Variants in ADH6 observed in about 807,000 individuals in gnomAD.
The protein encoded by ADH6 is alcohol dehydrogenase 6 (class V), also known as alcohol dehydrogenase 6.
Under a neutral mutation model 36.5 loss-of-function variants are expected in ADH6, and 34 were observed. The observed-to-expected ratio is 0.93, with a 90% CI of 0.71 to 1.24. ADH6 has a LOEUF of 1.24. ADH6 is among the 50% of genes most tolerant of loss of function. ADH6 has a pLI of 0.00. For missense variants in ADH6, 440 were observed against 447.0 expected (o/e 0.98, Z 0.14); for synonymous variants, 161 against 155.5 (o/e 1.04, Z -0.26).
chr4:99,212,122 A>G (rs2110551067), intron 3 of ADH6, among the ~76,000 whole-genome samples: 1 of 152,302 alleles, frequency 6.6e-6, no homozygotes, highest in South Asian at 2.1e-4. Flanking sequence ...AAATGAGTAC[A>G]TGAACATATA....
At chr4:99,209,018 G>T in intron 5 of ADH6, 90 bp from the exon 6 acceptor site, 1 of 1,354,884 alleles carries the variant, frequency 7.4e-7, no homozygotes, top group Non-Finnish European at 1.0e-6. Flanking sequence ...CTATATGCAT[G>T]TATTTTTTAA....
chr4:99,205,948 T>C (rs1293499843), intron 7 of ADH6, among the ~76,000 whole-genome samples: 1 of 152,166 alleles, frequency 6.6e-6, no homozygotes, highest in Non-Finnish European at 1.5e-5. Context: ...GATTTATTTT[T>C]AATTTAAGTT....
chr4:99,214,061 A>G (rs765949775), intron 2 of ADH6, among the ~76,000 whole-genome samples: 1 of 152,132 alleles, frequency 6.6e-6, no homozygotes, highest in Non-Finnish European at 1.5e-5. Flanking sequence ...TTGATCTTGT[A>G]GATGGAAGTG....
chr4:99,209,675 T>G (rs1731156750), intron 5 of ADH6, among the ~76,000 whole-genome samples: 1 of 152,174 alleles, frequency 6.6e-6, no homozygotes, highest in South Asian at 2.1e-4. Flanking sequence ...TAATATATCA[T>G]GCAATATAAT....
At chr4:99,213,008 C>A (rs1487612535) in intron 3 of ADH6, among the ~76,000 whole-genome samples, 4 of 151,692 alleles carry the variant, frequency 2.6e-5, no homozygotes, top group African/African-American at 9.7e-5. Context: ...ACAGTGTTCT[C>A]CCATGTTATT....
chr4:99,211,729 T>C (rs1170348045), intron 3 of ADH6, among the ~76,000 whole-genome samples: 3 of 152,100 alleles, frequency 2.0e-5, no homozygotes, highest in Non-Finnish European at 4.4e-5. Context: ...GAAGAGCAGA[T>C]GAAGGCAGAA....
intron 8 of ADH6, 31 bp downstream of exon 8, chr4:99,204,894 C>G (rs371433558): frequency 5.5e-5 from 87 of 1,587,752 alleles, no homozygotes; most frequent in Admixed American, 4.0e-4. Flanking sequence ...GTCTCAAACA[C>G]ACAGACATAA....
At chr4:99,217,061 A>G (rs987748183) in intron 1 of ADH6, among the ~76,000 whole-genome samples, 2 of 152,010 alleles carry the variant, frequency 1.3e-5, no homozygotes, top group African/African-American at 2.4e-5. Flanking sequence ...TTTGAGATGG[A>G]GTCTCACTCT....
At chr4:99,204,824 C>T in intron 8 of ADH6, 101 bp downstream of exon 8, 1 of 1,465,274 alleles carries the variant, frequency 6.8e-7, no homozygotes, top group East Asian at 2.4e-5. Context: ...TATCAGTATA[C>T]AGCTTCTGCA....
intron 1 of ADH6, 146 bp from the exon 2 acceptor site, chr4:99,216,408 A>T (rs1731431827): frequency 4.6e-6 from 2 of 436,006 alleles, no homozygotes; most frequent in East Asian, 7.2e-5. Flanking sequence ...TATATGCTGA[A>T]GGTAGTCTTT....
intron 1 of ADH6, among the ~76,000 whole-genome samples, chr4:99,217,695 A>T (rs1406329899): frequency 6.6e-6 from 1 of 152,136 alleles, no homozygotes; most frequent in Non-Finnish European, 1.5e-5. Flanking sequence ...GTTCAGGTAT[A>T]CCTTTAATAT....
chr4:99,219,067 T>C (rs1224909637), intron 1 of ADH6, 68 bp downstream of exon 1: 4 of 1,493,628 alleles, frequency 2.7e-6, no homozygotes, highest in Non-Finnish European at 3.7e-6. Context: ...TGATGAGATG[T>C]TGGTAAAGAG....
At position 99,208,883 on chromosome 4, in the gene ADH6, C is replaced by A; in HGVS notation, c.613G>T (p.Gly205Cys). The change falls in exon 6 of 9, where the codon GGC becomes TGC. Residue 205 changes from glycine (G) to cysteine (C), a missense_variant. By Grantham distance (159) the Gly-to-Cys change is radical. Coordinates refer to ENST00000394899, the MANE Select transcript of ADH6 (RefSeq NM_001102470.2). ...TTACAACCCATGACAACAGACAAGC[C>A]GACTCCTCCCAGGCCAAACACAGCA... ...TCAVFGLGGVGLSVVMGCKAA... is the reference protein window; with the variant it reads ...TCAVFGLGGVCLSVVMGCKAA... 6.2e-7 allele frequency: 1 copy of A among 1,613,674 alleles called. No homozygotes were observed. The highest frequency in any genetic ancestry group is 8.5e-7 in the Non-Finnish European group (1 of 1,179,738).
intron 4 of ADH6, 27 bp downstream of exon 4, chr4:99,210,388 A>G (rs376749233): frequency 1.4e-5 from 22 of 1,598,498 alleles, no homozygotes; most frequent in African/African-American, 2.7e-5. Context: ...TTAAGTTTTC[A>G]AAAAGAAAAT....
intron 5 of ADH6, 105 bp downstream of exon 5, chr4:99,209,977 C>T (rs1468784973): frequency 8.5e-6 from 10 of 1,171,370 alleles, no homozygotes; most frequent in Middle Eastern, 1.9e-4. Flanking sequence ...TGGAGTCAGG[C>T]TTGGGATTTT....
intron 1 of ADH6, among the ~76,000 whole-genome samples, chr4:99,217,554 C>CT (rs1236368629): frequency 6.6e-6 from 1 of 152,184 alleles, no homozygotes; most frequent in African/African-American, 2.4e-5. Context: ...GGATCTCATT[C>CT]TTTTTTACGG....
At position 99,204,117 on chromosome 4, in the gene ADH6, G is replaced by C; in HGVS notation, c.*102C>G. 1 of 1,386,354 alleles carries C rather than the reference G, an allele frequency of 7.2e-7. No individual in the cohort carries two copies. Among genetic ancestry groups the C allele is most frequent in the Non-Finnish European group, 9.9e-7 (1 of 1,011,452 alleles). 85.9% of individuals were successfully genotyped at this position (1,386,354 alleles called of 1,614,324 possible). On this transcript the variant is annotated 3_prime_UTR_variant, in exon 9 of 9. Transcript: ENST00000394899. ...GGAGTGAATCAGAAGTCAGAATATA[G>C]AAATGGGATTGGGTGAATAATTCTT...
intron 5 of ADH6, among the ~76,000 whole-genome samples, chr4:99,209,564 C>T (rs1731153571): frequency 6.6e-6 from 1 of 152,082 alleles, no homozygotes; most frequent in South Asian, 2.1e-4. Context: ...CCCATTCAGC[C>T]AGAGTGGGAT....
At chr4:99,210,934 T>A (rs1366503187) in intron 3 of ADH6, among the ~76,000 whole-genome samples, 2 of 152,148 alleles carry the variant, frequency 1.3e-5, no homozygotes, top group Non-Finnish European at 2.9e-5. Context: ...TTCTATGCTG[T>A]TCTCTGTGTT....
Sources: gnomAD v4.1 joint callset for allele counts (sites outside exome capture counted in the v4.1 genomes callset) on GRCh38, gnomAD v4.1.1 for gene constraint, MANE v1.5 for transcripts, NCBI Gene and HGNC (gene_info 2026-07-23, HGNC 2026-07-21) for gene names.